The following NELL1 variants were observed in gnomAD, a reference collection of about 807,000 sequenced individuals.
NELL1 encodes the protein neural EGFL like 1, also known as protein kinase C-binding protein NELL1.
In NELL1, 76 loss-of-function variants were observed where a neutral mutation model predicts 107.4. That is an observed-to-expected ratio of 0.71 (90% CI 0.59 to 0.86). The LOEUF (loss-of-function observed/expected upper bound fraction) is 0.86. Ranked by LOEUF, NELL1 falls within the 40% of genes least tolerant of loss-of-function variation. The pLI, the probability that NELL1 is intolerant of heterozygous loss-of-function variation, is 0.00. For missense variants in NELL1, 1,024 were observed against 1,005.5 expected (o/e 1.02, Z -0.25); for synonymous variants, 353 against 341.2 (o/e 1.03, Z -0.38).
At chr11:20,935,726 A>C (rs1850710778) in intron 9 of NELL1, 1 of 152,366 alleles carries the variant, frequency 6.6e-6, no homozygotes. Context: ...GTACTGAAGA[A>C]GAGGGATGAC....
In NELL1 at chr11:21,199,769, G is replaced by A. The variant is rs888931757; in HGVS notation, c.1427-29563G>A. ...CCCATCAACCTGTCATCTACATTAG[G>A]TATTTCTCCTAATGCTATCCCTCCC... On this transcript the variant is annotated intron_variant, in intron 13 of 19. Transcript: ENST00000357134. Among the ~76,000 whole-genome samples, 3 of 149,344 alleles carry A rather than the reference G, an allele frequency of 2.0e-5. No homozygotes were observed. In the Admixed American group the frequency reaches 2.0e-4, roughly 10 times the overall value.
At position 20,870,209 on chromosome 11, in the gene NELL1, T is replaced by G. The variant is rs575538766; in HGVS notation, c.507-15235T>G. ...GAAAAGGAAATGATTTGTCTAAGGC[T>G]ACATCCCAAGTTCAGTGGTTAAGTC... is the stretch of plus-strand genomic sequence containing the variant. On this transcript the variant is annotated intron_variant, in intron 4 of 19. Transcript: ENST00000357134. 3.3e-5 allele frequency among the ~76,000 whole-genome samples: 5 copies of G among 152,330 alleles called. No individual in the cohort carries two copies. In the East Asian group the frequency reaches 9.6e-4, roughly 29 times the overall value.
chr11:21,355,454 T>C (rs1222832811), intron 14 of NELL1, among the ~76,000 whole-genome samples: 4 of 152,216 alleles, frequency 2.6e-5, no homozygotes, highest in African/African-American at 9.6e-5. Flanking sequence ...ACAGGTTCCC[T>C]TATTGACCTG....
chr11:21,300,021 A>G (rs865942246), intron 14 of NELL1, among the ~76,000 whole-genome samples: 15 of 152,016 alleles, frequency 9.9e-5, no homozygotes, highest in African/African-American at 3.4e-4. Context: ...AAATTAGACA[A>G]TGATCACGTA....
At chr11:21,091,428 A>C (rs1854518259) in intron 12 of NELL1, among the ~76,000 whole-genome samples, 1 of 152,254 alleles carries the variant, frequency 6.6e-6, no homozygotes, top group East Asian at 1.9e-4. Context: ...GATAAAATGG[A>C]TGATAATCTG....
At chr11:20,984,453 G>C (rs777148257) in intron 12 of NELL1, among the ~76,000 whole-genome samples, 1 of 152,142 alleles carries the variant, frequency 6.6e-6, no homozygotes, top group African/African-American at 2.4e-5. Flanking sequence ...CTACTGCATA[G>C]GTTGGAATCA....
chr11:21,470,944 T>C (rs1029998281), intron 15 of NELL1, among the ~76,000 whole-genome samples: 3 of 152,134 alleles, frequency 2.0e-5, no homozygotes, highest in African/African-American at 7.2e-5. Context: ...AACACAACAA[T>C]GGATATAAAA....
intron 7 of NELL1, among the ~76,000 whole-genome samples, chr11:20,922,935 T>G (rs773348539): frequency 8.5e-5 from 13 of 152,176 alleles, no homozygotes; most frequent in Non-Finnish European, 1.6e-4. Flanking sequence ...AGGTGGTGGC[T>G]GCTGCTGTTT....
intron 5 of NELL1, among the ~76,000 whole-genome samples, chr11:20,892,337 A>G (rs12799175): frequency 3.3e-5 from 5 of 152,244 alleles, no homozygotes; most frequent in Admixed American, 3.3e-4. Context: ...GAGACAATGT[A>G]CCAGAACTGA....
At chr11:20,911,524 T>G (rs1434428175) in intron 5 of NELL1, among the ~76,000 whole-genome samples, 1 of 152,228 alleles carries the variant, frequency 6.6e-6, no homozygotes, top group African/African-American at 2.4e-5. Flanking sequence ...GCTTACCCTG[T>G]GTTTCCACAG....
At chr11:21,163,173 T>C (rs16907582) in intron 13 of NELL1, among the ~76,000 whole-genome samples, 7,593 of 152,106 alleles carry the variant, frequency 0.05, 264 homozygotes, top group South Asian at 0.12. Context: ...AGTAAATTGG[T>C]GTCAGAGGAG....
intron 12 of NELL1, among the ~76,000 whole-genome samples, chr11:20,986,369 A>G (rs1245334192): frequency 2.6e-5 from 4 of 152,200 alleles, no homozygotes; most frequent in African/African-American, 9.7e-5. Context: ...GTTGTTAAGA[A>G]AGATTGCATT....
chr11:21,042,829 C>T (rs528749930), intron 12 of NELL1, among the ~76,000 whole-genome samples: 2 of 152,010 alleles, frequency 1.3e-5, no homozygotes, highest in African/African-American at 2.4e-5. Context: ...TGTATTTTAC[C>T]GTATTTGGCT....
rs1288934134 is a variant in NELL1, at chr11:21,408,897, A to G, written c.1645+37949A>G. Among the ~76,000 whole-genome samples the G allele has an allele frequency of 4.0e-5, 6 of 151,054 alleles. No homozygotes were observed. In the South Asian group the frequency reaches 8.4e-4, roughly 21 times the overall value. The stretch of plus-strand genomic sequence containing the variant: ...CACAATGAGATACCATCTCACACCA[A>G]TTAGAATGGCAATCATTAAAAAGTC... On this transcript the variant is annotated intron_variant, in intron 15 of 19. Coordinates refer to ENST00000357134, the MANE Select transcript of NELL1 (RefSeq NM_006157.5).
intron 15 of NELL1, among the ~76,000 whole-genome samples, chr11:21,453,346 T>C (rs1045184115): frequency 4.6e-5 from 7 of 152,152 alleles, no homozygotes; most frequent in African/African-American, 1.7e-4. Flanking sequence ...TGACCTCTGA[T>C]AATTATCTAA....
intron 10 of NELL1, among the ~76,000 whole-genome samples, chr11:20,938,575 G>A (rs1298996985): frequency 6.6e-6 from 1 of 152,126 alleles, no homozygotes; most frequent in Non-Finnish European, 1.5e-5. Context: ...ATGTAATTTT[G>A]TTCCAAAATT....
chr11:21,363,454 C>CA (rs1851132598), intron 14 of NELL1, among the ~76,000 whole-genome samples: 2 of 152,138 alleles, frequency 1.3e-5, no homozygotes, highest in African/African-American at 4.8e-5. Flanking sequence ...CAGTTTTTCA[C>CA]CTGTTTCACA....
intron 15 of NELL1, among the ~76,000 whole-genome samples, chr11:21,486,648 G>A (rs1854639891): frequency 6.6e-6 from 1 of 151,934 alleles, no homozygotes; most frequent in African/African-American, 2.4e-5. Context: ...TAAAATTTTG[G>A]ATAAAGAATT....
At chr11:20,925,077 C>G (rs1395626500) in intron 7 of NELL1, among the ~76,000 whole-genome samples, 1 of 152,106 alleles carries the variant, frequency 6.6e-6, no homozygotes, top group African/African-American at 2.4e-5. Context: ...ACGTTATATG[C>G]AAACTATACT....
Sources: gnomAD v4.1 joint callset for allele counts (sites outside exome capture counted in the v4.1 genomes callset) on GRCh38, gnomAD v4.1.1 for gene constraint, MANE v1.5 for transcripts, NCBI Gene and HGNC (gene_info 2026-07-23, HGNC 2026-07-21) for gene names.